Variants in CIMIP6 observed in about 807,000 individuals in gnomAD.
CIMIP6 encodes the protein ciliary microtubule inner protein 6, also known as uncharacterized protein C2orf73.
the CIMIP6 span, among the ~76,000 whole-genome samples, chr2:54,336,281 C>G: frequency 2.6e-5 from 4 of 152,152 alleles, no homozygotes; most frequent in African/African-American, 9.7e-5. Context: ...TCCTCTACTC[C>G]AACAGCTACT....
At chr2:54,382,116 A>G in the CIMIP6 span, 2 of 1,166,834 alleles carry the variant, frequency 1.7e-6, no homozygotes, top group East Asian at 2.8e-5. Flanking sequence ...TTCCTACTAT[A>G]GAAATGTGAA....
At chr2:54,335,896 A>G in the CIMIP6 span, among the ~76,000 whole-genome samples, 1 of 152,102 alleles carries the variant, frequency 6.6e-6, no homozygotes, top group African/African-American at 2.4e-5. Context: ...TGAAGCCAGC[A>G]ACACAGCATC....
At chr2:54,364,181 TAGTCTATTAA>T in the CIMIP6 span, among the ~76,000 whole-genome samples, 8 of 152,316 alleles carry the variant, frequency 5.3e-5, no homozygotes, top group Admixed American at 2.0e-4. Flanking sequence ...ATGAATTCCA[TAGTCTATTAA>T]AGTCATAACT....
the CIMIP6 span, among the ~76,000 whole-genome samples, chr2:54,350,027 A>G: frequency 6.6e-6 from 1 of 151,840 alleles, no homozygotes; most frequent in Admixed American, 6.6e-5. Context: ...TTTTTTAAAA[A>G]TATTTTTTAG....
chr2:54,337,717 A>G, the CIMIP6 span, among the ~76,000 whole-genome samples: 1 of 152,262 alleles, frequency 6.6e-6, no homozygotes, highest in African/African-American at 2.4e-5. Context: ...TGCTATCATC[A>G]AGACTAGGTG....
chr2:54,379,674 A>C, the CIMIP6 span, among the ~76,000 whole-genome samples: 7 of 151,722 alleles, frequency 4.6e-5, no homozygotes, highest in African/African-American at 1.7e-4. Flanking sequence ...CTGTCTCTAC[A>C]AAAATTCAAA....
At chr2:54,377,176 C>T in the CIMIP6 span, among the ~76,000 whole-genome samples, 4 of 152,084 alleles carry the variant, frequency 2.6e-5, no homozygotes, top group Non-Finnish European at 2.9e-5. Flanking sequence ...TGCTGATAAA[C>T]GTTGAACCCA....
the CIMIP6 span, among the ~76,000 whole-genome samples, chr2:54,331,799 C>T: frequency 1.3e-5 from 2 of 152,138 alleles, no homozygotes; most frequent in Admixed American, 6.5e-5. Context: ...GTACATACAG[C>T]TAGTTAGGAA....
the CIMIP6 span, among the ~76,000 whole-genome samples, chr2:54,371,236 G>T: frequency 6.6e-6 from 1 of 152,214 alleles, no homozygotes. Context: ...GGGAAGATGG[G>T]GAGGGTTGAG....
At chr2:54,376,183 A>C in the CIMIP6 span, among the ~76,000 whole-genome samples, 1 of 149,776 alleles carries the variant, frequency 6.7e-6, no homozygotes, top group Non-Finnish European at 1.5e-5. Flanking sequence ...CCACATGTGC[A>C]TGCCACCATG....
chr2:54,360,400 T>TA, the CIMIP6 span: 1 of 1,606,538 alleles, frequency 6.2e-7, no homozygotes, highest in Non-Finnish European at 8.5e-7. Context: ...TGTTAGAGCC[T>TA]AAAACTCACT....
the CIMIP6 span, among the ~76,000 whole-genome samples, chr2:54,372,079 A>G: frequency 6.6e-6 from 1 of 152,240 alleles, no homozygotes; most frequent in Non-Finnish European, 1.5e-5. Context: ...TAGCATTCTC[A>G]GCAACCTTTT....
the CIMIP6 span, among the ~76,000 whole-genome samples, chr2:54,358,072 T>C: frequency 0.02 from 3,117 of 152,354 alleles, 48 homozygotes; most frequent in Non-Finnish European, 0.032. Context: ...ACCAATATAA[T>C]GAACTCATAT....
the CIMIP6 span, among the ~76,000 whole-genome samples, chr2:54,376,457 G>A: frequency 2.5e-4 from 38 of 152,228 alleles, no homozygotes; most frequent in South Asian, 1.0e-3. Flanking sequence ...TCTCAAGTTC[G>A]CTTTGTGGCC....
the CIMIP6 span, among the ~76,000 whole-genome samples, chr2:54,375,561 TTG>T: frequency 6.6e-6 from 1 of 152,214 alleles, no homozygotes; most frequent in East Asian, 1.9e-4. Flanking sequence ...GTTATCAAAA[TTG>T]TACACGTGTA....
At chr2:54,352,081 T>A in the CIMIP6 span, among the ~76,000 whole-genome samples, 1 of 152,130 alleles carries the variant, frequency 6.6e-6, no homozygotes, top group Non-Finnish European at 1.5e-5. Context: ...CTTAATCAGA[T>A]TTCCCTAAAA....
At chr2:54,334,920 G>T in the CIMIP6 span, 1 of 1,588,436 alleles carries the variant, frequency 6.3e-7, no homozygotes, top group Non-Finnish European at 8.6e-7. Flanking sequence ...AAAATCACAT[G>T]TTGGAAGAGG....
the CIMIP6 span, among the ~76,000 whole-genome samples, chr2:54,344,552 A>G: frequency 6.6e-6 from 1 of 152,176 alleles, no homozygotes; most frequent in Non-Finnish European, 1.5e-5. Context: ...CAAAAATGAA[A>G]AGCGGGTAGG....
At chr2:54,360,231 T>C in the CIMIP6 span, 11 of 1,602,698 alleles carry the variant, frequency 6.9e-6, no homozygotes, top group African/African-American at 1.1e-4. Flanking sequence ...CAGAGAGAGA[T>C]AAAACCAGGC....
Sources: allele counts gnomAD v4.1 joint callset (sites outside exome capture counted in the v4.1 genomes callset), GRCh38; gene constraint gnomAD v4.1.1; transcripts MANE v1.5; gene names NCBI Gene and HGNC (gene_info 2026-07-23, HGNC 2026-07-21).